CDH13: variants seen among roughly 807,000 people sequenced by gnomAD.
The protein encoded by CDH13 is cadherin-13.
Under a neutral mutation model 63.8 loss-of-function variants are expected in CDH13, and 24 were observed. The ratio of observed to expected loss-of-function variants is 0.38; its 90% CI spans 0.27 to 0.53. The LOEUF is 0.53. Ranked by LOEUF, CDH13 falls within the 20% of genes least tolerant of loss-of-function variation. The pLI is 0.85. For synonymous variants in CDH13, 503 were observed against 355.3 expected (o/e 1.42, Z -4.67); for missense variants, 1,049 against 903.1 (o/e 1.16, Z -2.07).
chr16:83,139,828 C>T (rs1163179831), intron 4 of CDH13, among the ~76,000 whole-genome samples: 1 of 152,092 alleles, frequency 6.6e-6, no homozygotes, highest in East Asian at 1.9e-4. Context: ...CATGGAGAAA[C>T]CCCATCTCTA....
At chr16:83,448,188 A>T (rs59843211) in intron 6 of CDH13, among the ~76,000 whole-genome samples, 30,817 of 151,964 alleles carry the variant, frequency 0.2, 3,415 homozygotes, top group Non-Finnish European at 0.25. Flanking sequence ...TAATCTCATG[A>T]TCTGAGTCTA....
intron 2 of CDH13, among the ~76,000 whole-genome samples, chr16:82,964,084 C>T (rs754763328): frequency 5.3e-5 from 8 of 152,134 alleles, no homozygotes; most frequent in Non-Finnish European, 8.8e-5. Flanking sequence ...ACAGTATGAC[C>T]CTCAGACGCT....
intron 8 of CDH13, among the ~76,000 whole-genome samples, chr16:83,667,235 C>G (rs1401184885): frequency 6.6e-6 from 1 of 152,154 alleles, no homozygotes; most frequent in African/African-American, 2.4e-5. Flanking sequence ...CAGCCCCTTT[C>G]CATTCTACTT....
rs141672140 is a variant in CDH13 at position 83,282,144 on chromosome 16, A to G, written c.637-62718A>G. Among the ~76,000 whole-genome samples, 4 of 152,300 alleles carry G rather than the reference A, an allele frequency of 2.6e-5. No homozygotes were observed. The East Asian group carries it at 7.7e-4, about 29-fold the overall frequency. On this transcript the variant is annotated intron_variant, in intron 5 of 13. Transcript: ENST00000567109. Reference sequence around the variant, plus strand: ...AGCAGTCAGAGCATACACCACATTTATCAATTACATTTGCCATCTTTTGTC... The same window carrying G: ...AGCAGTCAGAGCATACACCACATTTGTCAATTACATTTGCCATCTTTTGTC...
At chr16:83,548,348 A>AG (rs2075427193) in intron 7 of CDH13, among the ~76,000 whole-genome samples, 1 of 152,146 alleles carries the variant, frequency 6.6e-6, no homozygotes, top group Non-Finnish European at 1.5e-5. Context: ...ATTGGTGGGA[A>AG]GGGGATGCTA....
rs144027484 is a variant in CDH13, at chr16:82,663,983, C to G, written c.45+36846C>G. Among the ~76,000 whole-genome samples the G allele has an allele frequency of 1.1e-3, 167 of 152,314 alleles. 1 individual carries two copies. The highest frequency in any genetic ancestry group is 7.3e-3 in the Admixed American group (112 of 15,298). On this transcript the variant is annotated intron_variant, in intron 1 of 13. Coordinates refer to ENST00000567109, the MANE Select transcript of CDH13 (RefSeq NM_001257.5). ...GTGTGAGCCATGTGGGCTCTCAGGA[C>G]TCTTTTGGCTCCACTTCTGCCTTTG...
At chr16:83,657,083 A>G (rs1912936329) in intron 8 of CDH13, among the ~76,000 whole-genome samples, 1 of 152,266 alleles carries the variant, frequency 6.6e-6, no homozygotes, top group Admixed American at 6.5e-5. Flanking sequence ...GACTAAAGTC[A>G]CATGAATAAG....
At chr16:83,708,664 G>C (rs1393955030) in intron 10 of CDH13, among the ~76,000 whole-genome samples, 1 of 152,176 alleles carries the variant, frequency 6.6e-6, no homozygotes, top group Non-Finnish European at 1.5e-5. Context: ...GCTATGATTA[G>C]ATGAAAGGTC....
chr16:83,669,347 T>A (rs945402566), intron 8 of CDH13, among the ~76,000 whole-genome samples: 3 of 152,190 alleles, frequency 2.0e-5, no homozygotes, highest in Admixed American at 6.5e-5. Flanking sequence ...TCTGGGAGAT[T>A]CTAATGTGCA....
chr16:83,285,990 G>C (rs778792394), intron 5 of CDH13, among the ~76,000 whole-genome samples: 1 of 152,126 alleles, frequency 6.6e-6, no homozygotes, highest in East Asian at 1.9e-4. Flanking sequence ...TCTGTTCCAG[G>C]TTTCAGAGGA....
chr16:83,471,799 A>C (rs1404338042), intron 6 of CDH13, among the ~76,000 whole-genome samples: 1 of 152,178 alleles, frequency 6.6e-6, no homozygotes, highest in East Asian at 1.9e-4. Context: ...AGCAACTTGC[A>C]AGGAAGAGTC....
chr16:83,244,787 G>A (rs542669232), intron 5 of CDH13, among the ~76,000 whole-genome samples: 1 of 152,256 alleles, frequency 6.6e-6, no homozygotes, highest in African/African-American at 2.4e-5. Flanking sequence ...TTCCCCCAGG[G>A]AGAAATAGTG....
At chr16:82,935,656 G>A (rs887604486) in intron 2 of CDH13, among the ~76,000 whole-genome samples, 1 of 152,058 alleles carries the variant, frequency 6.6e-6, no homozygotes, top group African/African-American at 2.4e-5. Flanking sequence ...CCAACCTCTG[G>A]GCTATGGACC....
At chr16:83,441,750 A>T (rs2072486423) in intron 6 of CDH13, among the ~76,000 whole-genome samples, 1 of 152,084 alleles carries the variant, frequency 6.6e-6, no homozygotes, top group African/African-American at 2.4e-5. Context: ...GGGAAGAGAG[A>T]GAGTACCTGG....
At chr16:83,774,315 A>G (rs765668582) in intron 11 of CDH13, among the ~76,000 whole-genome samples, 2 of 152,144 alleles carry the variant, frequency 1.3e-5, no homozygotes. Flanking sequence ...AGCAAGCAAA[A>G]TAGGAACAGG....
intron 1 of CDH13, among the ~76,000 whole-genome samples, chr16:82,689,440 C>T (rs906210469): frequency 1.3e-5 from 2 of 152,166 alleles, no homozygotes; most frequent in African/African-American, 2.4e-5. Flanking sequence ...CCTCCTTTTA[C>T]ATAACATTGG....
chr16:82,769,136 C>T (rs2035167791), intron 1 of CDH13, among the ~76,000 whole-genome samples: 2 of 152,148 alleles, frequency 1.3e-5, no homozygotes, highest in African/African-American at 4.8e-5. Context: ...TAGATCTAAA[C>T]AGACCCATCA....
At chr16:83,703,087 G>C (rs1457741038) in intron 10 of CDH13, among the ~76,000 whole-genome samples, 1 of 152,172 alleles carries the variant, frequency 6.6e-6, no homozygotes, top group African/African-American at 2.4e-5. Context: ...CTTGGGTCAT[G>C]TATCTCTTTG....
chr16:83,107,829 T>G (rs910323353), intron 3 of CDH13, among the ~76,000 whole-genome samples: 37 of 152,094 alleles, frequency 2.4e-4, no homozygotes, highest in African/African-American at 8.2e-4. Context: ...CTTTTGCTTT[T>G]CTTTTCTTGA....
Sources: allele counts gnomAD v4.1 joint callset (sites outside exome capture counted in the v4.1 genomes callset), GRCh38; gene constraint gnomAD v4.1.1; transcripts MANE v1.5; gene names NCBI Gene and HGNC (gene_info 2026-07-23, HGNC 2026-07-21).